The following STRC variants were observed in gnomAD, a reference collection of about 807,000 sequenced individuals.
The protein encoded by STRC is stereocilin.
STRC carries 43 observed loss-of-function variants against 103.5 expected under a neutral mutation model. That is an observed-to-expected ratio of 0.42 (90% CI 0.33 to 0.54). STRC has a LOEUF of 0.54. STRC is among the 20% of genes least tolerant of loss of function. STRC has a pLI of 0.14. For missense variants in STRC, 499 were observed against 1,088.5 expected (o/e 0.46, Z 7.62); for synonymous variants, 186 against 442.3 (o/e 0.42, Z 7.27).
rs371579569 is a variant in STRC, at chr15:43,604,709, G to A, written c.4068C>T (p.Cys1356=). The change falls in exon 20 of 29, where the codon TGC becomes TGT. Residue 1356 remains cysteine, a synonymous_variant. Transcript: ENST00000450892. ...LSHLSQLQGF[C]LGETFATELG... ...GCTCTGTGGCAAATGTCTCTCCTAGGCAGAAGCCTTGCAGCTGACTGAGAT... is the reference window on the plus strand; with the variant it reads ...GCTCTGTGGCAAATGTCTCTCCTAGACAGAAGCCTTGCAGCTGACTGAGAT... The A allele has an allele frequency of 3.1e-6, 5 of 1,613,628 alleles. No homozygotes were observed. The highest frequency in any genetic ancestry group is 3.4e-6 in the Non-Finnish European group (4 of 1,179,694).
chr15:43,601,750 G>C (rs1375710516), intron 23 of STRC, 199 bp from the exon 24 acceptor site: 1 of 594,578 alleles, frequency 1.7e-6, no homozygotes, highest in Non-Finnish European at 3.0e-6. Context: ...ACAATCAGTG[G>C]AAAAGAAGAG....
chr15:43,604,762 G>C lies in STRC; in HGVS notation c.4015C>G (p.Gln1339Glu). 1 of 1,613,584 alleles carries C rather than the reference G, an allele frequency of 6.2e-7. No individual in the cohort carries two copies. Among genetic ancestry groups the C allele is most frequent in the African/African-American group, 1.3e-5 (1 of 74,968 alleles). ...VGFLGTESTR[Q>E]IPLQILLSHL... ...GACAGCAGGATCTGTAGGGGGATCT[G>C]TCGTGTGCTCTCTGTCCCCAGGAAT... The change falls in exon 20 of 29, where the codon CAG (glutamine) becomes GAG (glutamate). Residue 1339 changes from glutamine (Q) to glutamate (E), a missense_variant. Physicochemically the swap from Gln to Glu is conservative, Grantham distance 29 (BLOSUM62 2). Coordinates refer to ENST00000450892, the MANE Select transcript of STRC (RefSeq NM_153700.2).
rs562392825 is a variant in STRC at position 43,600,911 on chromosome 15, C to T, written c.4805G>A (p.Arg1602Gln). Residue 1602 changes from arginine (R) to glutamine (Q), a missense_variant, in exon 25 of 29, where the codon CGG becomes CAG. Coordinates refer to ENST00000450892, the MANE Select transcript of STRC (RefSeq NM_153700.2). ...GCTGATGTGCTGGAGCTCCTCTGGCCGCAGTCCACAGAGAGTATAACCCAG... is the reference window on the plus strand; with the variant it reads ...GCTGATGTGCTGGAGCTCCTCTGGCTGCAGTCCACAGAGAGTATAACCCAG... Reference protein sequence around the residue: ...TALGYTLCGLRPEELQHISSW... With the variant: ...TALGYTLCGLQPEELQHISSW... 1.2e-5 allele frequency: 20 copies of T among 1,612,218 alleles called. No individual in the cohort carries two copies. The highest frequency in any genetic ancestry group is 4.5e-5 in the East Asian group (2 of 44,802).
In STRC at chr15:43,603,321, T is replaced by G. The variant is rs200009157; in HGVS notation, c.4466A>C (p.Glu1489Ala). ...QIAEMELSDF[E>A]DCLTLFAGDP... Reference sequence around the variant, plus strand: ...TCCTGCAAATAATGTCAGGCAGTCCTCAAAGTCTGAGAGCTCCATCTCTGC... The same window carrying G: ...TCCTGCAAATAATGTCAGGCAGTCCGCAAAGTCTGAGAGCTCCATCTCTGC... Residue 1489 changes from glutamate to alanine, a missense_variant, in exon 23 of 29, where the codon GAG (glutamate) becomes GCG (alanine). Transcript: ENST00000450892. 2.5e-4 allele frequency: 402 copies of G among 1,613,872 alleles called. 5 individuals carry two copies. Among genetic ancestry groups the G allele is most frequent in the Admixed American group, 4.5e-4 (27 of 60,002 alleles).
intron 23 of STRC, chr15:43,602,566 C>T (rs896650157): frequency 6.5e-6 from 1 of 153,846 alleles, no homozygotes; most frequent in Non-Finnish European, 1.4e-5. Context: ...CAGCACATAC[C>T]CCAAAAAATT....
chr15:43,604,434 C>G lies in STRC; in HGVS notation c.4145G>C (p.Ser1382Thr). 1 of 1,579,738 alleles carries G rather than the reference C, an allele frequency of 6.3e-7. No individual in the cohort carries two copies. The highest frequency in any genetic ancestry group is 8.6e-7 in the Non-Finnish European group (1 of 1,159,618). ...ESVLGKPELWSQDEVEQAGRL... is the reference protein window; with the variant it reads ...ESVLGKPELWTQDEVEQAGRL... ...TCCAGCTTGCTCTACTTCATCCTGG[C>G]TCCACAACTCTGGTTTCCTGGGGAC... The change falls in exon 21 of 29, where the codon AGC becomes ACC. Residue 1382 changes from serine (S) to threonine (T), a missense_variant. Physicochemically the swap from Ser to Thr is moderately conservative, Grantham distance 58. Transcript: ENST00000450892.
At chr15:43,609,536 A>G in intron 15 of STRC, 2 of 607,476 alleles carry the variant, frequency 3.3e-6, no homozygotes, top group South Asian at 1.9e-5. Context: ...AAAGAAAAAG[A>G]AAAGCAAGTC....
chr15:43,605,590 G>A (rs2085706598), intron 18 of STRC, among the ~76,000 whole-genome samples, 191 bp from the exon 19 acceptor site: 1 of 144,010 alleles, frequency 6.9e-6, no homozygotes, highest in Non-Finnish European at 1.5e-5. Flanking sequence ...GAAAAAGGGA[G>A]CAACATATTT....
chr15:43,604,585 G>A, intron 20 of STRC, 65 bp downstream of exon 20: 1 of 1,611,230 alleles, frequency 6.2e-7, no homozygotes, highest in South Asian at 1.1e-5. Context: ...GGCTGCCACT[G>A]ATGATGGTGG....
chr15:43,609,200 A>G (rs574363644), intron 16 of STRC, 76 bp downstream of exon 16: 3 of 1,459,702 alleles, frequency 2.1e-6, no homozygotes, highest in South Asian at 2.3e-5. Context: ...TCCATATCAC[A>G]TGGTGCCTGG....
At position 43,601,395 on chromosome 15, in the gene STRC, C is replaced by T. The variant is rs199839039; in HGVS notation, c.4701+1G>A. On this transcript the variant is annotated splice_donor_variant, in intron 24 of 28. Coordinates refer to ENST00000450892, the MANE Select transcript of STRC (RefSeq NM_153700.2). LOFTEE classifies it high-confidence loss of function. ...GCCGTAGGGAGGAGGAAAAGTGTTACCTGAGTGGTGCTCCAGCCATCTATC... is the reference window on the plus strand; with the variant it reads ...GCCGTAGGGAGGAGGAAAAGTGTTATCTGAGTGGTGCTCCAGCCATCTATC... The T allele has an allele frequency of 1.8e-5, 29 of 1,613,212 alleles. 1 individual carries two copies. The South Asian group carries it at 2.1e-4, about 12-fold the overall frequency.
At position 43,604,405 on chromosome 15, in the gene STRC, G is replaced by A; in HGVS notation, c.4174C>T (p.Leu1392=). The A allele has an allele frequency of 6.3e-7, 1 of 1,587,578 alleles. No homozygotes were observed. Among genetic ancestry groups the A allele is most frequent in the South Asian group, 1.1e-5 (1 of 88,530 alleles). ...GCCTCAGTAGACAGAGTGAATACTA[G>A]GCGTCCAGCTTGCTCTACTTCATCC... is the stretch of plus-strand genomic sequence containing the variant. ...SQDEVEQAGR[L]VFTLSTEAIS... The change falls in exon 21 of 29, where the codon CTA becomes TTA. Residue 1392 remains leucine, a synonymous_variant. Transcript: ENST00000450892.
In STRC at chr15:43,604,784, G is replaced by T. The variant is rs2085700211; in HGVS notation, c.3993C>A (p.Phe1331Leu). 6.2e-7 allele frequency: 1 copy of T among 1,613,296 alleles called. No individual in the cohort carries two copies. Among genetic ancestry groups the T allele is most frequent in the Admixed American group, 1.7e-5 (1 of 59,942 alleles). Reference protein sequence around the residue: ...VLETLGPLVGFLGTESTRQIP... With the variant: ...VLETLGPLVGLLGTESTRQIP... ...TCTGTCGTGTGCTCTCTGTCCCCAGGAATCCAACCAAAGGGCCTAAGGTCT... is the reference window on the plus strand; with the variant it reads ...TCTGTCGTGTGCTCTCTGTCCCCAGTAATCCAACCAAAGGGCCTAAGGTCT... The change falls in exon 20 of 29, where the codon TTC becomes TTA. Residue 1331 changes from phenylalanine (F) to leucine (L), a missense_variant. Physicochemically the swap from Phe to Leu is conservative, Grantham distance 22. Transcript: ENST00000450892.
At chr15:43,604,999 T>C (rs776362728) in intron 19 of STRC, 153 bp from the exon 20 acceptor site, 11 of 1,303,658 alleles carry the variant, frequency 8.4e-6, no homozygotes, top group Non-Finnish European at 1.1e-5. Context: ...CCTTAAGCAA[T>C]GAGCCCAGAT....
Position 43,600,600 on chromosome 15 carries a change from G to T in STRC, c.4927C>A (p.Pro1643Thr), listed in dbSNP as rs567655009. ...TTACTGATTGGGCCAAACCCACCAG[G>T]CAGTACAAGTAGGTGGGCCAGAACC... ...LEVLAHLLVL[P>T]GGFGPISNWG... The change falls in exon 26 of 29, where the codon CCT becomes ACT. Residue 1643 changes from proline (P) to threonine (T), a missense_variant. Transcript: ENST00000450892. The T allele has an allele frequency of 4.5e-5, 72 of 1,613,738 alleles. No homozygotes were observed. The South Asian group carries it at 7.1e-4, about 16-fold the overall frequency.
At chr15:43,600,756 G>C in intron 25 of STRC, 74 bp from the exon 26 acceptor site, 2 of 1,612,810 alleles carry the variant, frequency 1.2e-6, no homozygotes, top group Non-Finnish European at 1.7e-6. Flanking sequence ...GACAAAGGAA[G>C]AGATGGCTTC....
chr15:43,611,057 A>G, intron 13 of STRC, 73 bp from the exon 14 acceptor site: 2 of 1,481,542 alleles, frequency 1.3e-6, no homozygotes, highest in Non-Finnish European at 1.8e-6. Context: ...GAGGTATGAA[A>G]GGCCTTCCCT....
At chr15:43,603,488 G>T in intron 22 of STRC, 77 bp from the exon 23 acceptor site, 1 of 1,480,634 alleles carries the variant, frequency 6.8e-7, no homozygotes, top group Non-Finnish European at 9.4e-7. Flanking sequence ...GATAGAGTGA[G>T]TCTTCCAACC....
rs531986959 is a variant in STRC, at chr15:43,602,805, C to T, written c.4545+437G>A. On this transcript the variant is annotated intron_variant, in intron 23 of 28. Coordinates refer to ENST00000450892, the MANE Select transcript of STRC (RefSeq NM_153700.2). ...GACAACAAGTGTGCACCACCATGCC[C>T]GGCTAACTTTTTTGTATTTTTAGTA... Among the ~76,000 whole-genome samples the T allele has an allele frequency of 7.9e-5, 12 of 151,512 alleles. No homozygotes were observed. In the South Asian group the frequency reaches 1.5e-3, roughly 18 times the overall value.
Sources: allele counts gnomAD v4.1 joint callset (sites outside exome capture counted in the v4.1 genomes callset), GRCh38; gene constraint gnomAD v4.1.1; transcripts MANE v1.5; gene names NCBI Gene and HGNC (gene_info 2026-07-23, HGNC 2026-07-21).